The following AMOTL1 variants were observed in gnomAD, a reference collection of about 807,000 sequenced individuals.
The protein encoded by AMOTL1 is angiomotin like 1.
A neutral mutation model predicts 102.9 loss-of-function variants in AMOTL1; 45 were observed. The ratio of observed to expected loss-of-function variants is 0.44; its 90% CI spans 0.34 to 0.56. The LOEUF (loss-of-function observed/expected upper bound fraction) is 0.56, where lower values mean the gene tolerates loss of function less well. Ranked by LOEUF, AMOTL1 falls within the 20% of genes least tolerant of loss-of-function variation. AMOTL1 has a pLI of 0.01. For missense variants in AMOTL1, 1,114 were observed against 1,225.6 expected (o/e 0.91, Z 1.36); for synonymous variants, 481 against 484.7 (o/e 0.99, Z 0.10).
intron 3 of AMOTL1, among the ~76,000 whole-genome samples, chr11:94,820,788 T>C (rs1167688280): frequency 6.6e-6 from 1 of 152,094 alleles, no homozygotes; most frequent in Non-Finnish European, 1.5e-5. Flanking sequence ...CATTAGATTA[T>C]CATAAGGAAC....
chr11:94,799,446 G>A lies in AMOTL1; in HGVS notation c.256G>A (p.Glu86Lys). 1 of 1,602,804 alleles carries A rather than the reference G, an allele frequency of 6.2e-7. No homozygotes were observed. Among genetic ancestry groups the A allele is most frequent in the South Asian group, 1.1e-5 (1 of 88,888 alleles). Reference sequence around the variant, plus strand: ...AAACTTCCTGAGGATCTCAGAGGTGGAAATGAGAGGTTCCGAGGATGCGGC... The same window carrying A: ...AAACTTCCTGAGGATCTCAGAGGTGAAAATGAGAGGTTCCGAGGATGCGGC... ...SPNFLRISEVEMRGSEDAAAG... is the reference protein window; with the variant it reads ...SPNFLRISEVKMRGSEDAAAG... Residue 86 changes from glutamate (E) to lysine (K), a missense_variant, in exon 3 of 13, where the codon GAA (glutamate) becomes AAA (lysine). By Grantham distance (56) the Glu-to-Lys change is moderately conservative. Coordinates refer to ENST00000433060, the MANE Select transcript of AMOTL1 (RefSeq NM_130847.3). This position sits in a 1 kb window ranked among gnomAD's most constrained non-coding sequence, Gnocchi z 4.5.
intron 6 of AMOTL1, among the ~76,000 whole-genome samples, chr11:94,842,436 G>A (rs946744378): frequency 3.3e-5 from 5 of 152,232 alleles, no homozygotes; most frequent in African/African-American, 1.2e-4. Flanking sequence ...GGTTGGGGGA[G>A]AAGCCTATAG....
chr11:94,841,579 C>G (rs1952303649), intron 6 of AMOTL1, among the ~76,000 whole-genome samples: 2 of 152,190 alleles, frequency 1.3e-5, no homozygotes, highest in South Asian at 4.1e-4. Context: ...AACCAAGAGC[C>G]CTGTGCCTCC....
upstream of AMOTL1, among the ~76,000 whole-genome samples, chr11:94,763,621 A>G (rs1319451532): frequency 2.0e-5 from 3 of 152,248 alleles, no homozygotes; most frequent in Non-Finnish European, 4.4e-5. Context: ...TGATTAACAC[A>G]TATTTCATAT....
Position 94,844,518 on chromosome 11 carries a change from G to A in AMOTL1, c.1649-5596G>A, listed in dbSNP as rs149242939. On this transcript the variant is annotated intron_variant, in intron 6 of 12. Coordinates refer to ENST00000433060, the MANE Select transcript of AMOTL1 (RefSeq NM_130847.3). The stretch of plus-strand genomic sequence containing the variant: ...GAAGTTTATTTGGTTCATAGTTCGG[G>A]AGGCTGGGAAGTCCAAGAGCATGGT... 1.9e-3 allele frequency among the ~76,000 whole-genome samples: 288 copies of A among 152,358 alleles called. 1 individual carries two copies. The highest frequency in any genetic ancestry group is 6.8e-3 in the African/African-American group (281 of 41,588).
chr11:94,870,098 T>G (rs1039384220), intron 12 of AMOTL1, among the ~76,000 whole-genome samples: 21 of 152,130 alleles, frequency 1.4e-4, no homozygotes, highest in African/African-American at 5.1e-4. Flanking sequence ...ATGGCCATGG[T>G]CAGTGGGATC....
At chr11:94,712,274 A>C (rs1367577268) in intron 1 of AMOTL1, among the ~76,000 whole-genome samples, 4 of 152,030 alleles carry the variant, frequency 2.6e-5, no homozygotes, top group Non-Finnish European at 4.4e-5. Context: ...TGCCCCAATA[A>C]ATGGGATAGC....
chr11:94,805,639 C>T (rs1429359065), intron 3 of AMOTL1, among the ~76,000 whole-genome samples: 1 of 152,162 alleles, frequency 6.6e-6, no homozygotes, highest in South Asian at 2.1e-4. Flanking sequence ...TATCTTGGCT[C>T]AATCTTGTCT....
intron 3 of AMOTL1, among the ~76,000 whole-genome samples, chr11:94,804,974 A>G (rs185934707): frequency 1.4e-4 from 22 of 152,298 alleles, no homozygotes; most frequent in African/African-American, 5.1e-4. Context: ...CACAATTTTT[A>G]CATACAATAA....
chr11:94,729,584 C>A (rs1488074820), intron 2 of AMOTL1, among the ~76,000 whole-genome samples: 3 of 152,142 alleles, frequency 2.0e-5, no homozygotes, highest in African/African-American at 7.2e-5. Context: ...TGGAGCAGAG[C>A]ATACAAATAT....
chr11:94,740,654 G>T lies in AMOTL1; in HGVS notation c.86-284G>T, dbSNP rs574513310. Among the ~76,000 whole-genome samples, 808 of 152,036 alleles carry T rather than the reference G, an allele frequency of 5.3e-3. 5 individuals are homozygous for T. Among genetic ancestry groups the T allele is most frequent in the African/African-American group, 0.018 (752 of 41,556 alleles). On this transcript the variant is annotated intron_variant, in intron 2 of 4. Transcript: ENST00000299004. ...TGCGGCCGCGGCCCAGCGCCCGGCC[G>T]GGGGAGCCGCGGGGTGGCACGCGGG...
chr11:94,828,488 C>G (rs899818853), intron 4 of AMOTL1, among the ~76,000 whole-genome samples: 1 of 152,116 alleles, frequency 6.6e-6, no homozygotes, highest in Non-Finnish European at 1.5e-5. Context: ...TCTCTCACCC[C>G]CACTAAGCCT....
At chr11:94,725,695 T>C (rs1388963376) in intron 1 of AMOTL1, among the ~76,000 whole-genome samples, 1 of 152,084 alleles carries the variant, frequency 6.6e-6, no homozygotes, top group Non-Finnish European at 1.5e-5. Context: ...AAGTTGTAGT[T>C]AGCAAGATGA....
At chr11:94,726,888 T>C (rs1950269522) in intron 1 of AMOTL1, among the ~76,000 whole-genome samples, 1 of 152,188 alleles carries the variant, frequency 6.6e-6, no homozygotes, top group Non-Finnish European at 1.5e-5. Flanking sequence ...CCATTTCATT[T>C]TACATTTAGT....
intron 3 of AMOTL1, among the ~76,000 whole-genome samples, chr11:94,758,962 C>T (rs2135499047): frequency 6.6e-6 from 1 of 152,190 alleles, no homozygotes. Flanking sequence ...CATATATATA[C>T]ATAACACTTT....
At chr11:94,848,361 G>T (rs1244410831) in intron 6 of AMOTL1, among the ~76,000 whole-genome samples, 2 of 152,114 alleles carry the variant, frequency 1.3e-5, no homozygotes, top group African/African-American at 4.8e-5. Flanking sequence ...GGCATAAAGA[G>T]CCCAGAAGTA....
intron 3 of AMOTL1, among the ~76,000 whole-genome samples, chr11:94,813,985 G>A (rs1362586268): frequency 1.3e-5 from 2 of 152,166 alleles, no homozygotes; most frequent in Admixed American, 6.5e-5. Context: ...AAGAGGAAAC[G>A]CAGCTGTCTC....
In AMOTL1 at chr11:94,768,464, G is replaced by T; in HGVS notation, c.-48G>T. ...CCGGCGCCACTTCCCCGCGCTGCCC[G>T]GCAGCCGTCTTCCCCAGCCGAGGGA... is the stretch of plus-strand genomic sequence containing the variant. On this transcript the variant is annotated 5_prime_UTR_variant, in exon 1 of 13. Transcript: ENST00000433060. 2 of 1,561,194 alleles carry T rather than the reference G, an allele frequency of 1.3e-6. No homozygotes were observed.
chr11:94,835,478 G>A (rs1003150737), intron 6 of AMOTL1, among the ~76,000 whole-genome samples: 2 of 152,208 alleles, frequency 1.3e-5, no homozygotes, highest in Admixed American at 6.5e-5. Flanking sequence ...GGATAGCGCT[G>A]CAGAATTCCC....
Sources: allele counts gnomAD v4.1 joint callset (sites outside exome capture counted in the v4.1 genomes callset), GRCh38; gene constraint gnomAD v4.1.1; non-coding constraint Gnocchi (gnomAD v3.1); transcripts MANE v1.5; gene names NCBI Gene and HGNC (gene_info 2026-07-23, HGNC 2026-07-21).